The following PDE7B variants were observed in gnomAD, a reference collection of about 807,000 sequenced individuals.
PDE7B encodes the protein 3',5'-cyclic-AMP phosphodiesterase 7B.
A neutral mutation model predicts 56.2 loss-of-function variants in PDE7B; 29 were observed. The observed-to-expected ratio is 0.52, with a 90% CI of 0.38 to 0.70. The LOEUF (loss-of-function observed/expected upper bound fraction) is 0.70. Ranked by LOEUF, PDE7B falls within the 30% of genes least tolerant of loss-of-function variation. PDE7B has a pLI of 0.00. For missense variants in PDE7B, 490 were observed against 565.0 expected (o/e 0.87, Z 1.35); for synonymous variants, 197 against 196.9 (o/e 1.00, Z 0.00).
chr6:136,019,200 G>A (rs1188224667), intron 2 of PDE7B, among the ~76,000 whole-genome samples: 3 of 152,036 alleles, frequency 2.0e-5, no homozygotes, highest in East Asian at 3.9e-4. Context: ...GTTCAACCAA[G>A]CAAGATTAAT....
intron 8 of PDE7B, chr6:136,165,491 A>G (rs1188763871): frequency 1.3e-5 from 2 of 152,226 alleles, no homozygotes; most frequent in Non-Finnish European, 2.9e-5. Flanking sequence ...GATTTAAACA[A>G]GATAGAAGTT....
intron 3 of PDE7B, among the ~76,000 whole-genome samples, chr6:136,146,937 C>T (rs527995799): frequency 4.6e-5 from 7 of 152,186 alleles, no homozygotes; most frequent in African/African-American, 1.7e-4. Flanking sequence ...CTTTGGGAGG[C>T]TCAAGACGAG....
intron 2 of PDE7B, among the ~76,000 whole-genome samples, chr6:136,029,272 T>A (rs1252410993): frequency 3.9e-5 from 6 of 152,170 alleles, no homozygotes; most frequent in African/African-American, 1.4e-4. Context: ...CCTCATCAAT[T>A]GCCTCCTCAA....
intron 1 of PDE7B, among the ~76,000 whole-genome samples, chr6:135,899,508 T>C (rs1304998124): frequency 6.6e-6 from 1 of 151,590 alleles, no homozygotes; most frequent in East Asian, 1.9e-4. Flanking sequence ...ATAATTTTGC[T>C]TAAATTAGTT....
chr6:136,188,455 C>A (rs1779174785), intron 12 of PDE7B, among the ~76,000 whole-genome samples: 1 of 152,142 alleles, frequency 6.6e-6, no homozygotes, highest in Non-Finnish European at 1.5e-5. Context: ...TCCTGGGAGG[C>A]AATTCTCTCC....
intron 8 of PDE7B, among the ~76,000 whole-genome samples, chr6:136,164,042 G>T (rs7745685): frequency 0.24 from 36,400 of 152,092 alleles, 12,041 homozygotes; most frequent in African/African-American, 0.74. Flanking sequence ...TCAGGTATCT[G>T]TATGGCAGCA....
chr6:136,091,572 G>C (rs531579343), intron 2 of PDE7B, among the ~76,000 whole-genome samples: 3 of 152,292 alleles, frequency 2.0e-5, no homozygotes, highest in South Asian at 2.1e-4. Flanking sequence ...TTGATGAGTA[G>C]TAAGATTCTC....
intron 2 of PDE7B, among the ~76,000 whole-genome samples, chr6:136,047,944 T>C (rs1776543467): frequency 6.6e-6 from 1 of 152,146 alleles, no homozygotes; most frequent in South Asian, 2.1e-4. Flanking sequence ...TATGGGAACG[T>C]AGAGGAAGAA....
chr6:136,162,961 A>G (rs1778733926), intron 8 of PDE7B, among the ~76,000 whole-genome samples: 1 of 152,058 alleles, frequency 6.6e-6, no homozygotes, highest in Admixed American at 6.6e-5. Context: ...GCAGGGTACA[A>G]CCCCCTTCCC....
intron 1 of PDE7B, among the ~76,000 whole-genome samples, chr6:135,872,641 A>G (rs1375396359): frequency 6.6e-6 from 1 of 152,176 alleles, no homozygotes; most frequent in Admixed American, 6.5e-5. Flanking sequence ...CCTACCTAAC[A>G]AAGTCTCACA....
chr6:136,100,437 C>G (rs1031731108), intron 2 of PDE7B, among the ~76,000 whole-genome samples: 1 of 152,148 alleles, frequency 6.6e-6, no homozygotes, highest in Non-Finnish European at 1.5e-5. Context: ...TTTGTGTCCT[C>G]TTTTATTTCG....
At chr6:135,923,566 C>T (rs768589100) in intron 1 of PDE7B, among the ~76,000 whole-genome samples, 7 of 151,942 alleles carry the variant, frequency 4.6e-5, no homozygotes, top group Non-Finnish European at 1.0e-4. Flanking sequence ...GTAGGTTATA[C>T]CAATCTCAGA....
intron 2 of PDE7B, among the ~76,000 whole-genome samples, chr6:136,004,802 C>T (rs1401284033): frequency 1.3e-5 from 2 of 152,088 alleles, no homozygotes; most frequent in African/African-American, 4.8e-5. Flanking sequence ...AGATTCAATG[C>T]CATCCCCATC....
At position 136,149,287 on chromosome 6, in the gene PDE7B, A is replaced by C. The variant is rs1778472279; in HGVS notation, c.382+137A>C. 4 of 654,926 alleles carry C rather than the reference A, an allele frequency of 6.1e-6. No individual in the cohort carries two copies. The African/African-American group carries it at 7.2e-5, about 12-fold the overall frequency. The allele number at this position is 654,926 out of a possible 1,614,324, so 40.6% of individuals were successfully genotyped here. On this transcript the variant is annotated intron_variant, in intron 5 of 12. Transcript: ENST00000308191. ...ATTTTCATAAACCTACAGCTACTGA[A>C]GAAGGACCGGGGTAAGGGAAAATCA...
intron 1 of PDE7B, among the ~76,000 whole-genome samples, chr6:135,880,123 C>T (rs1360797905): frequency 6.6e-6 from 1 of 152,176 alleles, no homozygotes; most frequent in East Asian, 1.9e-4. Context: ...CCACAAACCA[C>T]ATCCTGACAT....
rs568456472 is a variant in PDE7B, at chr6:135,889,013, A to G, written c.21+36994A>G. Among the ~76,000 whole-genome samples the G allele has an allele frequency of 2.6e-5, 4 of 152,328 alleles. No homozygotes were observed. The South Asian group carries it at 8.3e-4, about 32-fold the overall frequency. ...TTCCCAGTGATTCATCCCTAACTTC[A>G]GTTTTGAGCAGAAATTCAGTTCTAA... On this transcript the variant is annotated intron_variant, in intron 1 of 12. Coordinates refer to ENST00000308191, the MANE Select transcript of PDE7B (RefSeq NM_018945.4).
At chr6:135,962,445 G>A (rs144084351) in intron 2 of PDE7B, among the ~76,000 whole-genome samples, 69 of 152,076 alleles carry the variant, frequency 4.5e-4, no homozygotes, top group African/African-American at 1.4e-3. Context: ...TTCAAGAAGC[G>A]TTTTTGCTAC....
intron 1 of PDE7B, among the ~76,000 whole-genome samples, chr6:135,927,513 C>T (rs147240020): frequency 2.6e-5 from 4 of 152,090 alleles, no homozygotes; most frequent in African/African-American, 9.6e-5. Context: ...TCTTCCTGTC[C>T]GTGGGTATGG....
intron 1 of PDE7B, among the ~76,000 whole-genome samples, chr6:135,857,477 G>A (rs1209332288): frequency 2.6e-5 from 4 of 152,022 alleles, no homozygotes; most frequent in Non-Finnish European, 4.4e-5. Flanking sequence ...TGGGGGTGGG[G>A]TCCAGGACTA....
Sources: allele counts gnomAD v4.1 joint callset (sites outside exome capture counted in the v4.1 genomes callset), GRCh38; gene constraint gnomAD v4.1.1; transcripts MANE v1.5; gene names NCBI Gene and HGNC (gene_info 2026-07-23, HGNC 2026-07-21).